Variants in AMOTL1 observed in about 807,000 individuals in gnomAD.
The protein encoded by AMOTL1 is angiomotin like 1.
Under a neutral mutation model 102.9 loss-of-function variants are expected in AMOTL1, and 45 were observed. The ratio of observed to expected loss-of-function variants is 0.44; its 90% CI spans 0.34 to 0.56. The LOEUF (loss-of-function observed/expected upper bound fraction) is 0.56, where lower values mean the gene tolerates loss of function less well. AMOTL1 is among the 20% of genes least tolerant of loss of function. The probability of loss-of-function intolerance (pLI) is 0.01; values close to 1 mark genes in which losing one functional copy is unlikely to be tolerated. For synonymous variants in AMOTL1, 481 were observed against 484.7 expected (o/e 0.99, Z 0.10); for missense variants, 1,114 against 1,225.6 (o/e 0.91, Z 1.36).
chr11:94,743,235 G>A (rs1950549828), intron 3 of AMOTL1, among the ~76,000 whole-genome samples: 1 of 152,198 alleles, frequency 6.6e-6, no homozygotes, highest in Admixed American at 6.5e-5. Flanking sequence ...GGATCCCTAA[G>A]GCGTCTTCCA....
chr11:94,825,000 G>C (rs1030282827), intron 4 of AMOTL1, among the ~76,000 whole-genome samples: 40 of 152,214 alleles, frequency 2.6e-4, no homozygotes, highest in Admixed American at 2.0e-4. Flanking sequence ...TTCCAAAGAG[G>C]CTCAAGGTAG....
chr11:94,799,580 A>C lies in AMOTL1; in HGVS notation c.390A>C (p.Gly130=). The C allele has an allele frequency of 6.2e-7, 1 of 1,613,900 alleles. No homozygotes were observed. The highest frequency in any genetic ancestry group is 8.5e-7 in the Non-Finnish European group (1 of 1,179,872). The change falls in exon 3 of 13, where the codon GGA becomes GGC. Residue 130 remains glycine (G), a synonymous_variant. Coordinates refer to ENST00000433060, the MANE Select transcript of AMOTL1 (RefSeq NM_130847.3). This position sits in a 1 kb window ranked among gnomAD's most constrained non-coding sequence, Gnocchi z 4.5. ...AIQHQATGSA[G]PAHPTNNFSS... ...AGCACCAGGCCACAGGGAGTGCAGG[A>C]CCAGCCCATCCTACAAACAACTTTT...
In AMOTL1 at chr11:94,859,605, G is replaced by A. The variant is rs1952734139; in HGVS notation, c.2025G>A (p.Glu675=). The change falls in exon 9 of 13, where the codon GAG becomes GAA. Residue 675 remains glutamate (E), a synonymous_variant. Coordinates refer to ENST00000433060, the MANE Select transcript of AMOTL1 (RefSeq NM_130847.3). ...ALLELVREKE[E]RILALEADMT... Reference sequence around the variant, plus strand: ...TGGAACTTGTGCGGGAGAAGGAGGAGCGGATCCTGGCCCTGGAGGCCGACA... The same window carrying A: ...TGGAACTTGTGCGGGAGAAGGAGGAACGGATCCTGGCCCTGGAGGCCGACA... The A allele has an allele frequency of 3.1e-6, 5 of 1,613,830 alleles. No individual in the cohort carries two copies. The highest frequency in any genetic ancestry group is 4.2e-6 in the Non-Finnish European group (5 of 1,179,866).
chr11:94,869,065 A>T, intron 11 of AMOTL1, 133 bp from the exon 12 acceptor site: 1 of 1,103,792 alleles, frequency 9.1e-7, no homozygotes, highest in Non-Finnish European at 1.2e-6. Flanking sequence ...ATAAGTGTTT[A>T]TTAAATGCTT....
rs755948371 is a variant in AMOTL1, at chr11:94,850,189, G to A, written c.1724G>A (p.Arg575Gln). The change falls in exon 7 of 13, where the codon CGG (arginine) becomes CAG (glutamine). Residue 575 changes from arginine to glutamine, a missense_variant. Transcript: ENST00000433060. ...AAVRTASEDH[R>Q]RHIEILDQAL... ...GTGCGGACTGCAAGTGAGGACCATC[G>A]GAGACACATCGAGATCCTGGACCAG... 10 of 1,594,226 alleles carry A rather than the reference G, an allele frequency of 6.3e-6. No homozygotes were observed. The highest frequency in any genetic ancestry group is 1.1e-5 in the South Asian group (1 of 87,166).
chr11:94,785,934 A>C (rs1426615247), intron 1 of AMOTL1, among the ~76,000 whole-genome samples: 1 of 152,212 alleles, frequency 6.6e-6, no homozygotes, highest in Non-Finnish European at 1.5e-5. Context: ...TGCTGGTAAT[A>C]CTTGTTCACT....
intron 2 of AMOTL1, among the ~76,000 whole-genome samples, chr11:94,738,307 G>C (rs1261351449): frequency 1.3e-5 from 2 of 149,954 alleles, no homozygotes; most frequent in Non-Finnish European, 2.9e-5. Flanking sequence ...ACCCAGGCTG[G>C]ACTGCAATGG....
intron 3 of AMOTL1, among the ~76,000 whole-genome samples, chr11:94,756,566 C>A (rs930277657): frequency 6.6e-6 from 1 of 152,178 alleles, no homozygotes; most frequent in African/African-American, 2.4e-5. Flanking sequence ...AAACTGATTT[C>A]ATGACCCACA....
At chr11:94,815,884 A>G (rs1257076825) in intron 3 of AMOTL1, among the ~76,000 whole-genome samples, 1 of 152,162 alleles carries the variant, frequency 6.6e-6, no homozygotes, top group African/African-American at 2.4e-5. Context: ...AAGTCCACGT[A>G]TGCCATGAAT....
At chr11:94,858,325 C>T (rs760350195) in intron 8 of AMOTL1, among the ~76,000 whole-genome samples, 18 of 152,082 alleles carry the variant, frequency 1.2e-4, no homozygotes, top group South Asian at 2.1e-4. Context: ...TGGTCACTGG[C>T]AAGATAACAC....
chr11:94,711,104 T>G (rs2135428054), intron 1 of AMOTL1, among the ~76,000 whole-genome samples: 1 of 152,218 alleles, frequency 6.6e-6, no homozygotes, highest in South Asian at 2.1e-4. Flanking sequence ...GAGCCAAATG[T>G]GAATATTAAG....
chr11:94,801,716 TG>T (rs1183714531), intron 3 of AMOTL1, among the ~76,000 whole-genome samples: 1 of 152,120 alleles, frequency 6.6e-6, no homozygotes, highest in Non-Finnish European at 1.5e-5. Context: ...ACAGAAATTC[TG>T]GAATAGGGAT....
chr11:94,729,929 G>A (rs1217487820), intron 2 of AMOTL1, among the ~76,000 whole-genome samples: 1 of 152,056 alleles, frequency 6.6e-6, no homozygotes, highest in Non-Finnish European at 1.5e-5. Context: ...AACTTATATG[G>A]CAACAAACAT....
At chr11:94,779,730 A>C (rs1409362029) in intron 1 of AMOTL1, among the ~76,000 whole-genome samples, 1 of 152,102 alleles carries the variant, frequency 6.6e-6, no homozygotes, top group Non-Finnish European at 1.5e-5. Flanking sequence ...TGATTTAGAC[A>C]TTTTTTTCAA....
At chr11:94,862,269 C>T (rs1952790102) in intron 9 of AMOTL1, among the ~76,000 whole-genome samples, 1 of 152,196 alleles carries the variant, frequency 6.6e-6, no homozygotes, top group Admixed American at 6.5e-5. Flanking sequence ...AAGAAAACCT[C>T]TGTCATTTCA....
chr11:94,842,850 C>T (rs894591740), intron 6 of AMOTL1, among the ~76,000 whole-genome samples: 5 of 152,174 alleles, frequency 3.3e-5, no homozygotes, highest in African/African-American at 1.2e-4. Context: ...TTCCCTGTCC[C>T]TCTCCCAGGG....
Position 94,864,778 on chromosome 11 carries a change from G to A in AMOTL1, c.2179G>A (p.Glu727Lys), listed in dbSNP as rs1952845660. 6.2e-7 allele frequency: 1 copy of A among 1,613,870 alleles called. No individual in the cohort carries two copies. The highest frequency in any genetic ancestry group is 8.5e-7 in the Non-Finnish European group (1 of 1,179,786). ...INHSRNGSYGESSLEAHIWQE... is the reference protein window; with the variant it reads ...INHSRNGSYGKSSLEAHIWQE... ...CCACTCACGGAATGGCAGCTACGGA[G>A]AGAGCTCGCTGGAGGCCCACATCTG... Residue 727 changes from glutamate (E) to lysine (K), a missense_variant, in exon 10 of 13, where the codon GAG (glutamate) becomes AAG (lysine). Physicochemically the swap from Glu to Lys is moderately conservative, Grantham distance 56. Coordinates refer to ENST00000433060, the MANE Select transcript of AMOTL1 (RefSeq NM_130847.3).
chr11:94,745,698 A>G (rs137870705), intron 3 of AMOTL1, among the ~76,000 whole-genome samples: 1 of 152,350 alleles, frequency 6.6e-6, no homozygotes, highest in Admixed American at 6.5e-5. Flanking sequence ...TAAATGGTGT[A>G]TGTAAAGTCC....
At chr11:94,768,698 ATTG>A (rs1182521625) in intron 1 of AMOTL1, 138 bp downstream of exon 1, 1 of 1,326,382 alleles carries the variant, frequency 7.5e-7, no homozygotes, top group African/African-American at 1.5e-5. Flanking sequence ...GAGATCCCAG[ATTG>A]TTGTTTTTAA....
Sources: gnomAD v4.1 joint callset for allele counts (sites outside exome capture counted in the v4.1 genomes callset) on GRCh38, gnomAD v4.1.1 for gene constraint, Gnocchi (gnomAD v3.1) non-coding constraint, MANE v1.5 for transcripts, NCBI Gene and HGNC (gene_info 2026-07-23, HGNC 2026-07-21) for gene names.